TRAPPC10: variants seen among roughly 807,000 people sequenced by gnomAD.
TRAPPC10 encodes the protein trafficking protein particle complex subunit 10.
TRAPPC10 carries 23 observed loss-of-function variants against 125.5 expected under a neutral mutation model. The ratio of observed to expected loss-of-function variants is 0.18; its 90% CI spans 0.13 to 0.26. The LOEUF (loss-of-function observed/expected upper bound fraction) is 0.26, where lower values mean the gene tolerates loss of function less well. TRAPPC10 is among the 10% of genes least tolerant of loss of function. The pLI is 1.00. For synonymous variants in TRAPPC10, 509 were observed against 518.0 expected (o/e 0.98, Z 0.24); for missense variants, 1,123 against 1,308.4 (o/e 0.86, Z 2.19).
rs770976834 is a variant in TRAPPC10 at position 44,082,927 on chromosome 21, C to T, written c.1863C>T (p.His621=). The T allele has an allele frequency of 1.7e-5, 27 of 1,613,906 alleles. No individual in the cohort carries two copies. The Admixed American group carries it at 3.3e-4, about 20-fold the overall frequency. Residue 621 remains histidine, a synonymous_variant, in exon 14 of 23, where the codon CAC becomes CAT. Transcript: ENST00000291574. The surrounding 1 kb of genome is among the most constrained non-coding windows in gnomAD (Gnocchi z 4.4). ...ACAGCCAGATGCCTGTGCCTGTTCA[C>T]GTGGAGCAGATTGTGGTCAATGTCC... ...TMYSQMPVPV[H]VEQIVVNVHF...
At chr21:44,041,517 C>T (rs1453009344) in intron 3 of TRAPPC10, among the ~76,000 whole-genome samples, 1 of 151,990 alleles carries the variant, frequency 6.6e-6, no homozygotes, top group Non-Finnish European at 1.5e-5. Flanking sequence ...GCTGGGATTA[C>T]AGGCATGCGC....
chr21:44,091,832 C>T, intron 18 of TRAPPC10, 91 bp from the exon 19 acceptor site: 2 of 1,259,624 alleles, frequency 1.6e-6, no homozygotes, highest in Non-Finnish European at 2.2e-6. Flanking sequence ...TTTTTGATTC[C>T]CCAGGCAGAG....
At position 44,059,019 on chromosome 21, in the gene TRAPPC10, C is replaced by T; in HGVS notation, c.679-84C>T. 1 of 884,444 alleles carries T rather than the reference C, an allele frequency of 1.1e-6. No homozygotes were observed. The highest frequency in any genetic ancestry group is 1.6e-6 in the Non-Finnish European group (1 of 633,228). The allele number at this position is 884,444 out of a possible 1,614,324, so 54.8% of individuals were successfully genotyped here. On this transcript the variant is annotated intron_variant, in intron 5 of 22. Coordinates refer to ENST00000291574, the MANE Select transcript of TRAPPC10 (RefSeq NM_003274.5). The surrounding 1 kb of genome is among the most constrained non-coding windows in gnomAD (Gnocchi z 4.4). Reference sequence around the variant, plus strand: ...TATTCATAGTGCTGCGTGCCTTTCTCTGTCGTTTAATGGCTACATACTGTT... The same window carrying T: ...TATTCATAGTGCTGCGTGCCTTTCTTTGTCGTTTAATGGCTACATACTGTT...
At chr21:44,029,209 C>T (rs1483795322) in intron 1 of TRAPPC10, among the ~76,000 whole-genome samples, 2 of 152,216 alleles carry the variant, frequency 1.3e-5, no homozygotes, top group Admixed American at 6.5e-5. Flanking sequence ...ATTCTCCTGC[C>T]TCAGCCTCCC....
At chr21:44,095,945 G>T (rs2038904290) in intron 20 of TRAPPC10, among the ~76,000 whole-genome samples, 1 of 134,972 alleles carries the variant, frequency 7.4e-6, no homozygotes, top group South Asian at 2.6e-4. Flanking sequence ...GGGTCATAGG[G>T]TAACTCTGTG....
At chr21:44,019,660 C>A (rs2032272053) in intron 1 of TRAPPC10, among the ~76,000 whole-genome samples, 2 of 152,098 alleles carry the variant, frequency 1.3e-5, no homozygotes, top group South Asian at 4.1e-4. Flanking sequence ...CTGGGATAAT[C>A]ACATCTTGAG....
Position 44,083,158 on chromosome 21 carries a change from C to T in TRAPPC10, c.2094C>T (p.Asn698=), listed in dbSNP as rs373085618. 4.3e-5 allele frequency: 69 copies of T among 1,614,072 alleles called. No individual in the cohort carries two copies. The highest frequency in any genetic ancestry group is 3.7e-4 in the Admixed American group (22 of 59,994). Residue 698 remains asparagine, a synonymous_variant, in exon 14 of 23, where the codon AAC becomes AAT. Transcript: ENST00000291574. ...ACACGACTGGGATTATCTGCAGAAA[C>T]GTCCACATGCTCCTGAGAAGGCAGG... ...SLNTTGIICR[N]VHMLLRRQES...
chr21:44,060,501 C>T (rs1318280061), intron 6 of TRAPPC10, among the ~76,000 whole-genome samples: 2 of 152,078 alleles, frequency 1.3e-5, no homozygotes, highest in African/African-American at 2.4e-5. Flanking sequence ...AGGATGGTCT[C>T]GATCTCCTGA....
At chr21:44,062,332 C>G (rs1031512678) in intron 6 of TRAPPC10, among the ~76,000 whole-genome samples, 1 of 152,122 alleles carries the variant, frequency 6.6e-6, no homozygotes, top group African/African-American at 2.4e-5. Context: ...TTTTATGATG[C>G]TTACATGAAG....
At chr21:44,016,909 C>G (rs2031926230) in intron 1 of TRAPPC10, among the ~76,000 whole-genome samples, 1 of 152,196 alleles carries the variant, frequency 6.6e-6, no homozygotes, top group Non-Finnish European at 1.5e-5. Context: ...CCCGCCTCAG[C>G]CTCCCAAAGT....
intron 15 of TRAPPC10, among the ~76,000 whole-genome samples, chr21:44,086,517 A>G (rs1259674166): frequency 6.6e-6 from 1 of 152,252 alleles, no homozygotes; most frequent in Admixed American, 6.5e-5. Flanking sequence ...TCAGAGACGT[A>G]GTCATGATCA....
chr21:44,072,832 C>T (rs1365594329), intron 7 of TRAPPC10, among the ~76,000 whole-genome samples: 1 of 152,218 alleles, frequency 6.6e-6, no homozygotes, highest in African/African-American at 2.4e-5. Context: ...AGCTTTTGCG[C>T]AGTGGGTACT....
chr21:44,038,857 C>T (rs1253092500), intron 3 of TRAPPC10, among the ~76,000 whole-genome samples: 2 of 152,140 alleles, frequency 1.3e-5, no homozygotes, highest in Non-Finnish European at 2.9e-5. Flanking sequence ...TTTGCTCCGC[C>T]TCCTTTCCCA....
chr21:44,071,921 T>C (rs977535003), intron 7 of TRAPPC10, among the ~76,000 whole-genome samples: 2 of 152,164 alleles, frequency 1.3e-5, no homozygotes, highest in Non-Finnish European at 2.9e-5. Flanking sequence ...CCTTGTTCCT[T>C]GGCGTGGGTG....
In TRAPPC10 at chr21:44,087,932, A is replaced by C; in HGVS notation, c.2769+4A>C. ...CATGGTTACCACAGACCACAAAGTG[A>C]GTAGGGACAGTGGAGGAGCTTAGCT... is the stretch of plus-strand genomic sequence containing the variant. On this transcript the variant is annotated splice_donor_region_variant and intron_variant, in intron 17 of 22. Coordinates refer to ENST00000291574, the MANE Select transcript of TRAPPC10 (RefSeq NM_003274.5). This position sits in a 1 kb window ranked among gnomAD's most constrained non-coding sequence, Gnocchi z 4.6. 6.2e-7 allele frequency: 1 copy of C among 1,609,656 alleles called. No homozygotes were observed. Among genetic ancestry groups the C allele is most frequent in the Non-Finnish European group, 8.5e-7 (1 of 1,177,540 alleles).
At chr21:44,092,767 A>G (rs2038673873) in intron 19 of TRAPPC10, among the ~76,000 whole-genome samples, 1 of 128 alleles carries the variant, frequency 7.8e-3, no homozygotes, top group African/African-American at 0.028. Flanking sequence ...GCTGGATGTA[A>G]AGATTACTTT....
At chr21:44,065,150 C>G (rs565190589) in intron 7 of TRAPPC10, among the ~76,000 whole-genome samples, 2 of 152,190 alleles carry the variant, frequency 1.3e-5, no homozygotes, top group African/African-American at 2.4e-5. Flanking sequence ...ATGATGTCTT[C>G]TGAGTGAGAC....
rs141003493 is a variant in TRAPPC10, at chr21:44,022,545, C to G, written c.68-9546C>G. Among the ~76,000 whole-genome samples the G allele has an allele frequency of 5.5e-3, 818 of 149,580 alleles. 13 individuals are homozygous for G. Among genetic ancestry groups the G allele is most frequent in the African/African-American group, 0.02 (793 of 40,414 alleles). On this transcript the variant is annotated intron_variant, in intron 1 of 22. Transcript: ENST00000291574. ...GTCAGGCTTATCTCGAACTCCCGAC[C>G]TCAGGTGATCCGCCCACCTTTGCCT...
intron 3 of TRAPPC10, among the ~76,000 whole-genome samples, chr21:44,041,342 A>G (rs1048979862): frequency 5.3e-5 from 8 of 151,862 alleles, no homozygotes; most frequent in African/African-American, 1.9e-4. Context: ...TAAGTTGTAA[A>G]ACTTACTTTC....
Sources: gnomAD v4.1 joint callset for allele counts (sites outside exome capture counted in the v4.1 genomes callset) on GRCh38, gnomAD v4.1.1 for gene constraint, Gnocchi (gnomAD v3.1) non-coding constraint, MANE v1.5 for transcripts, NCBI Gene and HGNC (gene_info 2026-07-23, HGNC 2026-07-21) for gene names.